Variants in FRMD6 observed in about 807,000 individuals in gnomAD.
FRMD6 encodes the protein FERM domain-containing protein 6.
FRMD6 carries 37 observed loss-of-function variants against 73.2 expected under a neutral mutation model. That is an observed-to-expected ratio of 0.51 (90% CI 0.39 to 0.66). FRMD6 has a LOEUF of 0.66. FRMD6 is among the 30% of genes least tolerant of loss of function. The pLI, the probability that FRMD6 is intolerant of heterozygous loss-of-function variation, is 0.00. For missense variants in FRMD6, 714 were observed against 780.5 expected (o/e 0.91, Z 1.02); for synonymous variants, 273 against 282.2 (o/e 0.97, Z 0.33).
At chr14:51,674,396 G>A (rs1894238079) in intron 1 of FRMD6, among the ~76,000 whole-genome samples, 2 of 152,136 alleles carry the variant, frequency 1.3e-5, no homozygotes, top group African/African-American at 4.8e-5. Context: ...GGGTAGGATT[G>A]AGCGAGTAAG....
chr14:51,586,202 G>A (rs958376325), intron 2 of FRMD6, among the ~76,000 whole-genome samples: 12 of 151,552 alleles, frequency 7.9e-5, no homozygotes, highest in African/African-American at 1.5e-4. Flanking sequence ...TCCCACCAAC[G>A]ATGTATAATC....
chr14:51,710,998 T>C (rs1055957239), intron 7 of FRMD6, among the ~76,000 whole-genome samples: 1 of 152,210 alleles, frequency 6.6e-6, no homozygotes, highest in South Asian at 2.1e-4. Context: ...TACAGCTTTA[T>C]TATCCTCATG....
rs540810544 is a variant in FRMD6 at position 51,557,607 on chromosome 14, C to T, written c.-209-12741C>T. On this transcript the variant is annotated intron_variant, in intron 1 of 14. Coordinates refer to the FRMD6 transcript ENST00000356218. ...TCAGGACATCTGTACAACACGGTTACTAGAATTAGTAACAATGTATTGTAT... is the reference window on the plus strand; with the variant it reads ...TCAGGACATCTGTACAACACGGTTATTAGAATTAGTAACAATGTATTGTAT... 1.2e-4 allele frequency among the ~76,000 whole-genome samples: 19 copies of T among 152,110 alleles called. No individual in the cohort carries two copies. In the South Asian group the frequency reaches 3.9e-3, roughly 32 times the overall value.
At chr14:51,587,253 A>G (rs1042827049) in intron 2 of FRMD6, among the ~76,000 whole-genome samples, 11 of 152,056 alleles carry the variant, frequency 7.2e-5, no homozygotes, top group African/African-American at 1.9e-4. Flanking sequence ...CCATTGATCT[A>G]TGTGTCTATT....
At chr14:51,463,401 G>A in the FRMD6 span, among the ~76,000 whole-genome samples, 1 of 152,200 alleles carries the variant, frequency 6.6e-6, no homozygotes, top group South Asian at 2.1e-4. Context: ...TGGATTCAGT[G>A]TAGTACTTGG....
At chr14:51,435,579 A>G in the FRMD6 span, among the ~76,000 whole-genome samples, 1 of 152,212 alleles carries the variant, frequency 6.6e-6, no homozygotes, top group African/African-American at 2.4e-5. Flanking sequence ...ACAGATGATC[A>G]TGGTTACTTT....
chr14:51,450,700 T>C, the FRMD6 span, among the ~76,000 whole-genome samples: 1 of 152,120 alleles, frequency 6.6e-6, no homozygotes, highest in Non-Finnish European at 1.5e-5. Context: ...AACATTGATA[T>C]ATAAAAAAAT....
intron 2 of FRMD6, among the ~76,000 whole-genome samples, chr14:51,580,509 G>C (rs1211723218): frequency 1.3e-5 from 2 of 152,146 alleles, no homozygotes; most frequent in Non-Finnish European, 2.9e-5. Context: ...AAGTTAAATA[G>C]TTTGCACAAG....
At chr14:51,529,771 C>A (rs1017547524) in intron 1 of FRMD6, among the ~76,000 whole-genome samples, 3 of 152,178 alleles carry the variant, frequency 2.0e-5, no homozygotes, top group African/African-American at 7.2e-5. Context: ...ACCCACACAG[C>A]CATTTTTACC....
the FRMD6 span, among the ~76,000 whole-genome samples, chr14:51,466,831 T>G: frequency 6.6e-6 from 1 of 152,248 alleles, no homozygotes; most frequent in African/African-American, 2.4e-5. Flanking sequence ...TTGGGGATAA[T>G]TGCTATCATA....
At chr14:51,524,536 C>CG (rs138812243) in intron 1 of FRMD6, among the ~76,000 whole-genome samples, 3,551 of 149,882 alleles carry the variant, frequency 0.024, 42 homozygotes, top group African/African-American at 0.037. Flanking sequence ...ATTTTTATGA[C>CG]GGGGGGGGTC....
intron 1 of FRMD6, among the ~76,000 whole-genome samples, chr14:51,538,102 C>G (rs1885998091): frequency 6.6e-6 from 1 of 152,150 alleles, no homozygotes. Context: ...TCTAGATTTT[C>G]TCTTGTGTTT....
intron 1 of FRMD6, among the ~76,000 whole-genome samples, chr14:51,492,439 G>T (rs1883066097): frequency 6.6e-6 from 1 of 151,916 alleles, no homozygotes; most frequent in Non-Finnish European, 1.5e-5. Context: ...GCCAGAGGAG[G>T]GCCAAGGTCA....
the FRMD6 span, among the ~76,000 whole-genome samples, chr14:51,477,776 G>C: frequency 1.4e-5 from 2 of 141,742 alleles, no homozygotes; most frequent in African/African-American, 5.3e-5. Context: ...ATCTCACTCT[G>C]TCACCCAGAC....
chr14:51,445,474 AT>A, the FRMD6 span, among the ~76,000 whole-genome samples: 10,468 of 149,396 alleles, frequency 0.07, 362 homozygotes, highest in Middle Eastern at 0.12. Context: ...CAGAAGTGCA[AT>A]TTTTTTTTTT....
At chr14:51,400,021 C>A in the FRMD6 span, among the ~76,000 whole-genome samples, 1 of 150,906 alleles carries the variant, frequency 6.6e-6, no homozygotes, top group Non-Finnish European at 1.5e-5. Context: ...TATATGGGCA[C>A]AATGGAATGT....
chr14:51,429,606 C>T, the FRMD6 span, among the ~76,000 whole-genome samples: 2 of 152,162 alleles, frequency 1.3e-5, no homozygotes. Context: ...ATCCGTTTCC[C>T]CCATTTAACA....
intron 2 of FRMD6, among the ~76,000 whole-genome samples, chr14:51,634,522 G>C (rs1371105191): frequency 6.6e-6 from 1 of 151,918 alleles, no homozygotes; most frequent in East Asian, 1.9e-4. Flanking sequence ...TGCTGAGTCT[G>C]ACCCCTTTGT....
At chr14:51,426,106 C>T in the FRMD6 span, among the ~76,000 whole-genome samples, 1 of 152,104 alleles carries the variant, frequency 6.6e-6, no homozygotes, top group Non-Finnish European at 1.5e-5. Context: ...TAATGGTTTC[C>T]TAACAAATAT....
Sources: gnomAD v4.1 joint callset for allele counts (sites outside exome capture counted in the v4.1 genomes callset) on GRCh38, gnomAD v4.1.1 for gene constraint, MANE v1.5 for transcripts, NCBI Gene and HGNC (gene_info 2026-07-23, HGNC 2026-07-21) for gene names.